The following KCNMA1 variants were observed in gnomAD, a reference collection of about 807,000 sequenced individuals.
KCNMA1 encodes Calcium-activated potassium channel subunit alpha-1.
Under a neutral mutation model 140.0 loss-of-function variants are expected in KCNMA1, and 29 were observed. The ratio of observed to expected loss-of-function variants is 0.21; its 90% CI spans 0.15 to 0.28. The LOEUF (loss-of-function observed/expected upper bound fraction) is 0.28. Among genes scored for constraint, KCNMA1 ranks in the 10% least tolerant of loss-of-function variants. KCNMA1 has a pLI of 1.00. For synonymous variants in KCNMA1, 612 were observed against 611.9 expected, an observed-to-expected ratio of 1.00 and a Z score of 0.00; for missense variants, 880 against 1,602.2, an observed-to-expected ratio of 0.55 and a Z score of 7.70.
intron 14 of KCNMA1, among the ~76,000 whole-genome samples, chr10:77,045,540 C>A (rs1439082291): frequency 4.6e-5 from 7 of 152,196 alleles, no homozygotes; most frequent in Non-Finnish European, 1.0e-4. Context: ...CTAGTTGAAC[C>A]TCCCAAGCAA....
intron 16 of KCNMA1, chr10:77,019,378 A>C (rs2092564892): frequency 2.5e-6 from 1 of 393,890 alleles, no homozygotes; most frequent in Non-Finnish European, 4.6e-6. Flanking sequence ...ATAATGGAGC[A>C]GTCTAGCTGC....
intron 9 of KCNMA1, among the ~76,000 whole-genome samples, chr10:77,099,254 G>A (rs1157838053): frequency 2.6e-5 from 4 of 152,118 alleles, no homozygotes; most frequent in Non-Finnish European, 5.9e-5. Flanking sequence ...CACCCCTGGT[G>A]AATCATGTAT....
intron 1 of KCNMA1, among the ~76,000 whole-genome samples, chr10:77,628,902 G>A (rs2092859538): frequency 6.6e-6 from 1 of 152,196 alleles, no homozygotes; most frequent in African/African-American, 2.4e-5. Context: ...AAGAGGAGGA[G>A]GGGGAGAAGG....
At chr10:77,051,760 G>A (rs2095374540) in intron 14 of KCNMA1, among the ~76,000 whole-genome samples, 1 of 152,126 alleles carries the variant, frequency 6.6e-6, no homozygotes, top group Non-Finnish European at 1.5e-5. Flanking sequence ...GAGCCAAGGA[G>A]CATAACCTCT....
chr10:77,617,399 C>G (rs1035108030), intron 1 of KCNMA1, among the ~76,000 whole-genome samples: 1 of 152,192 alleles, frequency 6.6e-6, no homozygotes, highest in African/African-American at 2.4e-5. Context: ...TTCACCACCC[C>G]TGAATTAGGG....
intron 14 of KCNMA1, chr10:77,071,340 C>T (rs2096203769): frequency 6.6e-6 from 1 of 152,244 alleles, no homozygotes; most frequent in Non-Finnish European, 1.5e-5. Context: ...TGGGGCCCTG[C>T]CAAAGCCCAT....
chr10:76,921,799 T>C (rs573761211), intron 23 of KCNMA1, among the ~76,000 whole-genome samples: 1 of 152,290 alleles, frequency 6.6e-6, no homozygotes, highest in South Asian at 2.1e-4. Context: ...TTTTTGGAAA[T>C]GACTGCAAGA....
intron 26 of KCNMA1, among the ~76,000 whole-genome samples, chr10:76,890,138 C>A (rs2039273873): frequency 6.6e-6 from 1 of 152,198 alleles, no homozygotes; most frequent in South Asian, 2.1e-4. Context: ...GAATGTGTTT[C>A]CCTAGGAGCC....
At chr10:77,146,998 C>T (rs751036895) in intron 5 of KCNMA1, among the ~76,000 whole-genome samples, 1 of 152,168 alleles carries the variant, frequency 6.6e-6, no homozygotes, top group African/African-American at 2.4e-5. Flanking sequence ...TGTGAAGCCA[C>T]CTGGGCATGG....
At chr10:77,205,500 T>A (rs1424547070) in intron 3 of KCNMA1, among the ~76,000 whole-genome samples, 2 of 152,198 alleles carry the variant, frequency 1.3e-5, no homozygotes, top group African/African-American at 4.8e-5. Context: ...AGGGTCTCCT[T>A]GGAGAGTAAC....
chr10:77,327,125 G>A (rs931051148), intron 2 of KCNMA1, among the ~76,000 whole-genome samples: 19 of 151,962 alleles, frequency 1.3e-4, no homozygotes, highest in African/African-American at 4.1e-4. Flanking sequence ...TCCTAGCAGT[G>A]GGTTAGCAGC....
intron 17 of KCNMA1, among the ~76,000 whole-genome samples, chr10:77,015,476 C>T (rs2091839636): frequency 1.3e-5 from 2 of 152,106 alleles, no homozygotes; most frequent in African/African-American, 4.8e-5. Flanking sequence ...AAACTCTCCT[C>T]CTTTTTCCCA....
intron 23 of KCNMA1, among the ~76,000 whole-genome samples, chr10:76,926,961 C>T (rs1201865917): frequency 6.6e-6 from 1 of 152,162 alleles, no homozygotes; most frequent in East Asian, 1.9e-4. Context: ...GCATCCTTTC[C>T]ATTTGCTAAC....
At position 77,027,716 on chromosome 10, in the gene KCNMA1, C is replaced by G. The variant is rs534135519; in HGVS notation, c.1928+107G>C. ...GGTCAGAGAGGTTTTACATCTGGTT[C>G]CATGCAGATAAATAATGCACAAGAA... On this transcript the variant is annotated intron_variant, in intron 16 of 27. Transcript: ENST00000286628. 2.1e-4 allele frequency: 186 copies of G among 904,630 alleles called. 1 individual carries two copies. The Middle Eastern group carries it at 2.3e-3, about 11-fold the overall frequency. 56.0% of individuals were successfully genotyped at this position (904,630 alleles called of 1,614,324 possible).
At chr10:77,193,177 C>G (rs373520735) in intron 3 of KCNMA1, among the ~76,000 whole-genome samples, 1 of 152,094 alleles carries the variant, frequency 6.6e-6, no homozygotes. Flanking sequence ...TCTAAGAGCA[C>G]GTACTTTTTC....
chr10:77,593,908 C>T (rs1208119772), intron 1 of KCNMA1, among the ~76,000 whole-genome samples: 1 of 152,224 alleles, frequency 6.6e-6, no homozygotes, highest in Non-Finnish European at 1.5e-5. Context: ...CCAGAGCTGC[C>T]TTGGCTCGGT....
chr10:77,171,968 T>G (rs1015679708), intron 5 of KCNMA1, among the ~76,000 whole-genome samples: 1 of 152,182 alleles, frequency 6.6e-6, no homozygotes, highest in Non-Finnish European at 1.5e-5. Context: ...TAACATCTTA[T>G]AGAGGCAAGA....
chr10:76,951,705 T>A (rs1446268355), intron 21 of KCNMA1, among the ~76,000 whole-genome samples: 2 of 152,200 alleles, frequency 1.3e-5, no homozygotes, highest in African/African-American at 4.8e-5. Context: ...GCTTCTTGGA[T>A]CATACTTTCC....
chr10:77,225,926 C>T lies in KCNMA1; in HGVS notation c.602+25269G>A, dbSNP rs996524472. ...ATCCAATGATGCTACCCACAAAGGCCGCAGATCCAAGCTTAGGAGGCATCT... is the reference window on the plus strand; with the variant it reads ...ATCCAATGATGCTACCCACAAAGGCTGCAGATCCAAGCTTAGGAGGCATCT... On this transcript the variant is annotated intron_variant, in intron 3 of 27. Coordinates refer to ENST00000286628, the MANE Select transcript of KCNMA1 (RefSeq NM_001161352.2). Among the ~76,000 whole-genome samples, 7 of 152,296 alleles carry T rather than the reference C, an allele frequency of 4.6e-5. No homozygotes were observed. The East Asian group carries it at 7.7e-4, about 17-fold the overall frequency.
Sources: gnomAD v4.1 joint callset for allele counts (sites outside exome capture counted in the v4.1 genomes callset) on GRCh38, gnomAD v4.1.1 for gene constraint, MANE v1.5 for transcripts, NCBI Gene and HGNC (gene_info 2026-07-23, HGNC 2026-07-21) for gene names.